TMEM132A: variants seen among roughly 807,000 people sequenced by gnomAD.
The protein encoded by TMEM132A is transmembrane protein 132A, also known as GRP78-binding protein.
A neutral mutation model predicts 69.9 loss-of-function variants in TMEM132A; 48 were observed. That is an observed-to-expected ratio of 0.69 (90% CI 0.55 to 0.87). The LOEUF (loss-of-function observed/expected upper bound fraction) is 0.87, where lower values mean the gene tolerates loss of function less well. Ranked by LOEUF, TMEM132A falls within the 40% of genes least tolerant of loss-of-function variation. The pLI, the probability that TMEM132A is intolerant of heterozygous loss-of-function variation, is 0.00. For missense variants in TMEM132A, 1,287 were observed against 1,407.2 expected (o/e 0.91, Z 1.37); for synonymous variants, 577 against 613.7 (o/e 0.94, Z 0.88).
chr11:60,928,885 C>T lies in TMEM132A; in HGVS notation c.791C>T (p.Pro264Leu), dbSNP rs1246035580. The change falls in exon 4 of 11, where the codon CCA (proline) becomes CTA (leucine). Residue 264 changes from proline to leucine, a missense_variant. By Grantham distance (98) the Pro-to-Leu change is moderately conservative. Transcript: ENST00000453848. ...GTGACTCTGCGGGTGCCTGACATGCCAGTGCGGCCCGGCCAGCTCTTTAGT... is the reference window on the plus strand; with the variant it reads ...GTGACTCTGCGGGTGCCTGACATGCTAGTGCGGCCCGGCCAGCTCTTTAGT... Reference protein sequence around the residue: ...EAVTLRVPDMPVRPGQLFSAT... With the variant: ...EAVTLRVPDMLVRPGQLFSAT... 4 of 1,612,822 alleles carry T rather than the reference C, an allele frequency of 2.5e-6. No homozygotes were observed. Among genetic ancestry groups the T allele is most frequent in the Middle Eastern group, 1.6e-4 (1 of 6,062 alleles).
chr11:60,933,472 C>T lies in TMEM132A; in HGVS notation c.1357-70C>T, dbSNP rs1022535745. On this transcript the variant is annotated intron_variant, in intron 7 of 10. Coordinates refer to ENST00000453848, the MANE Select transcript of TMEM132A (RefSeq NM_178031.3). ...GTGCTGGGACTACAGGCATGAGCCA[C>T]CCACCCGGCCCAGCCTCACACCTGT... 10 of 1,366,688 alleles carry T rather than the reference C, an allele frequency of 7.3e-6. No individual in the cohort carries two copies. In the Admixed American group the frequency reaches 8.1e-5, roughly 11 times the overall value. The allele number at this position is 1,366,688 out of a possible 1,614,324, so 84.7% of individuals were successfully genotyped here.
chr11:60,927,153 C>T, intron 1 of TMEM132A, 51 bp from the exon 2 acceptor site: 8 of 1,531,802 alleles, frequency 5.2e-6, no homozygotes, highest in Non-Finnish European at 7.2e-6. Context: ...CCCGGGTCAG[C>T]CCCTGCCAGC....
chr11:60,932,709 C>G (rs1317993162), intron 7 of TMEM132A: 1 of 152,204 alleles, frequency 6.6e-6, no homozygotes. Flanking sequence ...CTTCCTCTAT[C>G]TTGAAGTTCT....
rs1289447102 is a variant in TMEM132A at position 60,927,623 on chromosome 11, C to G, written c.316-18C>G. On this transcript the variant is annotated intron_variant, in intron 2 of 10. Coordinates refer to ENST00000453848, the MANE Select transcript of TMEM132A (RefSeq NM_178031.3). ...TCCCAAGCTCCTCTTTTGTTAAGCC[C>G]TCTCATTCTCCCTCCAGGTGGTCCC... 6.3e-7 allele frequency: 1 copy of G among 1,598,474 alleles called. No homozygotes were observed. Among genetic ancestry groups the G allele is most frequent in the South Asian group, 1.1e-5 (1 of 90,388 alleles).
intron 2 of TMEM132A, 92 bp from the exon 3 acceptor site, chr11:60,927,549 A>T: frequency 7.0e-7 from 1 of 1,428,100 alleles, no homozygotes; most frequent in Non-Finnish European, 9.5e-7. Flanking sequence ...TGAGGCCCAT[A>T]AAGGTTCTCT....
At position 60,935,934 on chromosome 11, in the gene TMEM132A, G is replaced by A. The variant is rs759221912; in HGVS notation, c.2099G>A (p.Arg700His). 3.7e-5 allele frequency: 59 copies of A among 1,611,934 alleles called. No individual in the cohort carries two copies. Among genetic ancestry groups the A allele is most frequent in the Middle Eastern group, 2.2e-4 (1 of 4,454 alleles). Residue 700 changes from arginine to histidine, a missense_variant, in exon 11 of 11, where the codon CGT becomes CAT. Physicochemically the swap from Arg to His is conservative, Grantham distance 29. Coordinates refer to ENST00000453848, the MANE Select transcript of TMEM132A (RefSeq NM_178031.3). This position sits in a 1 kb window ranked among gnomAD's most constrained non-coding sequence, Gnocchi z 5.0. ...TVAPAELYDR[R>H]DLGLSVSAEE... is the part of the protein sequence containing the mutation. ...GCCCCAGCTGAGCTCTACGACCGCC[G>A]TGACCTGGGACTGTCCGTCTCAGCC...
intron 1 of TMEM132A, chr11:60,925,397 T>C (rs12285866): frequency 0.064 from 9,714 of 151,864 alleles, 585 homozygotes; most frequent in African/African-American, 0.16. Flanking sequence ...AGAGGGACAG[T>C]GAAACATTCT....
chr11:60,936,335 G>A lies in TMEM132A; in HGVS notation c.2500G>A (p.Glu834Lys), dbSNP rs1329660095. The change falls in exon 11 of 11, where the codon GAG (glutamate) becomes AAG (lysine). Residue 834 changes from glutamate (E) to lysine (K), a missense_variant. Transcript: ENST00000453848. ...EAREEEEEEEEEMVPAPQHVT... is the reference protein window; with the variant it reads ...EAREEEEEEEKEMVPAPQHVT... Reference sequence around the variant, plus strand: ...CAGGGAGGAGGAGGAGGAAGAGGAGGAGGAGATGGTCCCTGCCCCTCAGCA... The same window carrying A: ...CAGGGAGGAGGAGGAGGAAGAGGAGAAGGAGATGGTCCCTGCCCCTCAGCA... 1 of 1,614,048 alleles carries A rather than the reference G, an allele frequency of 6.2e-7. No individual in the cohort carries two copies. The highest frequency in any genetic ancestry group is 1.1e-5 in the South Asian group (1 of 91,086).
Position 60,930,542 on chromosome 11 carries a change from C to T in TMEM132A, c.899C>T (p.Ala300Val). 1 of 1,609,696 alleles carries T rather than the reference C, an allele frequency of 6.2e-7. No homozygotes were observed. Among genetic ancestry groups the T allele is most frequent in the East Asian group, 2.2e-5 (1 of 44,580 alleles). ...GTGAAGAAGGGGCTGCATGTGACAG[C>T]CGCCCGCCCAGCCCAGCCCACACTC... is the stretch of plus-strand genomic sequence containing the variant. ...IKVKKGLHVT[A>V]ARPAQPTLWT... The change falls in exon 5 of 11, where the codon GCC becomes GTC. Residue 300 changes from alanine to valine, a missense_variant. Coordinates refer to ENST00000453848, the MANE Select transcript of TMEM132A (RefSeq NM_178031.3).
At chr11:60,930,704 G>C (rs1246572762) in intron 5 of TMEM132A, 45 bp downstream of exon 5, 2 of 1,561,434 alleles carry the variant, frequency 1.3e-6, no homozygotes, top group Non-Finnish European at 1.7e-6. Context: ...GGGAGGGCTG[G>C]TTATAGAGTG....
At chr11:60,930,249 A>C (rs1465017483) in intron 4 of TMEM132A, among the ~76,000 whole-genome samples, 1 of 152,216 alleles carries the variant, frequency 6.6e-6, no homozygotes, top group African/African-American at 2.4e-5. Flanking sequence ...AGGCTGGACC[A>C]GACCCTGGAG....
rs1249310023 is a variant in TMEM132A, at chr11:60,936,272, C to T, written c.2437C>T (p.Arg813Trp). ...CACAGGTGTGAGGGGCAAGTTTGAG[C>T]GGGCAGAGGAGGAGGCCAGGAAGGA... The part of the protein sequence containing the change: ...GNTGVRGKFE[R>W]AEEEARKEET... Residue 813 changes from arginine to tryptophan, a missense_variant, in exon 11 of 11, where the codon CGG becomes TGG. By Grantham distance (101) the Arg-to-Trp change is moderately radical (BLOSUM62 -3). Coordinates refer to ENST00000453848, the MANE Select transcript of TMEM132A (RefSeq NM_178031.3). 1.9e-5 allele frequency: 30 copies of T among 1,613,970 alleles called. No individual in the cohort carries two copies. The highest frequency in any genetic ancestry group is 2.4e-5 in the Non-Finnish European group (28 of 1,179,978).
chr11:60,936,182 A>G lies in TMEM132A; in HGVS notation c.2347A>G (p.Ser783Gly). ...APALPSSPAW[S>G]PPATEATMGG... The stretch of plus-strand genomic sequence containing the variant: ...TGCTCTCCCATCCAGCCCTGCTTGG[A>G]GCCCACCAGCCACAGAAGCCACCAT... The change falls in exon 11 of 11, where the codon AGC (serine) becomes GGC (glycine). Residue 783 changes from serine (S) to glycine (G), a missense_variant. Physicochemically the swap from Ser to Gly is moderately conservative, Grantham distance 56. Transcript: ENST00000453848. 6.2e-7 allele frequency: 1 copy of G among 1,613,788 alleles called. No individual in the cohort carries two copies. The highest frequency in any genetic ancestry group is 8.5e-7 in the Non-Finnish European group (1 of 1,179,858).
At chr11:60,934,854 G>A (rs1856554738) in intron 9 of TMEM132A, 90 bp downstream of exon 9, 1 of 1,366,060 alleles carries the variant, frequency 7.3e-7, no homozygotes, top group African/African-American at 1.4e-5. Context: ...GAGTGTGCCA[G>A]GAGCCCAGAG....
At position 60,931,997 on chromosome 11, in the gene TMEM132A, T is replaced by C. The variant is rs775137378; in HGVS notation, c.1226T>C (p.Val409Ala). ...CTCCACCCCCAGGCTGAGGAGCTGG[T>C]GAATACAGCACCACTGACTGGAGTG... ...LIPLAKAEELVNTAPLTGVPQ... is the reference protein window; with the variant it reads ...LIPLAKAEELANTAPLTGVPQ... Residue 409 changes from valine to alanine, a missense_variant, in exon 7 of 11, where the codon GTG becomes GCG. Transcript: ENST00000453848. The C allele has an allele frequency of 3.1e-6, 5 of 1,607,392 alleles. No individual in the cohort carries two copies. Among genetic ancestry groups the C allele is most frequent in the Non-Finnish European group, 4.2e-6 (5 of 1,176,942 alleles).
chr11:60,931,239 T>C (rs1037255542), intron 5 of TMEM132A, among the ~76,000 whole-genome samples: 4 of 152,254 alleles, frequency 2.6e-5, no homozygotes, highest in African/African-American at 9.6e-5. Flanking sequence ...AATACAGTGC[T>C]ACATATCAGG....
At chr11:60,934,283 A>C (rs1018926396) in intron 8 of TMEM132A, 21 of 446,190 alleles carry the variant, frequency 4.7e-5, no homozygotes, top group Admixed American at 3.1e-4. Flanking sequence ...ATCGAGGCAC[A>C]GCGCCAGTCG....
chr11:60,936,707 G>A lies in TMEM132A; in HGVS notation c.2872G>A (p.Gly958Arg). ...CACCCTGGCCCGAAAGGAGGCTGGG[G>A]GGCGGCGGAAGCGAGTAGAGTTTGT... ...SSTLARKEAG[G>R]RRKRVEFVTF... The change falls in exon 11 of 11, where the codon GGG becomes AGG. Residue 958 changes from glycine (G) to arginine (R), a missense_variant. By Grantham distance (125) the Gly-to-Arg change is moderately radical. Transcript: ENST00000453848. The A allele has an allele frequency of 6.3e-7, 1 of 1,575,706 alleles. No individual in the cohort carries two copies. The highest frequency in any genetic ancestry group is 1.2e-5 in the South Asian group (1 of 85,728).
chr11:60,930,930 G>T (rs1233246073), intron 5 of TMEM132A, among the ~76,000 whole-genome samples: 1 of 152,128 alleles, frequency 6.6e-6, no homozygotes, highest in Non-Finnish European at 1.5e-5. Flanking sequence ...TGTGCCCCAG[G>T]TAGAGCCCTC....
Sources: allele counts gnomAD v4.1 joint callset (sites outside exome capture counted in the v4.1 genomes callset), GRCh38; gene constraint gnomAD v4.1.1; non-coding constraint Gnocchi (gnomAD v3.1); transcripts MANE v1.5; gene names NCBI Gene and HGNC (gene_info 2026-07-23, HGNC 2026-07-21).